The following LARGE1 variants were observed in gnomAD, a reference collection of about 807,000 sequenced individuals.
LARGE1 encodes LARGE xylosyl- and glucuronyltransferase 1.
In LARGE1, 43 loss-of-function variants were observed where a neutral mutation model predicts 87.6. That is an observed-to-expected ratio of 0.49 (90% CI 0.38 to 0.63). The LOEUF (loss-of-function observed/expected upper bound fraction) is 0.63, where lower values mean the gene tolerates loss of function less well. Ranked by LOEUF, LARGE1 falls within the 30% of genes least tolerant of loss-of-function variation. The pLI is 0.00. For synonymous variants in LARGE1, 434 were observed against 394.6 expected (o/e 1.10, Z -1.18); for missense variants, 802 against 1,000.2 (o/e 0.80, Z 2.67).
At chr22:33,905,731 C>A (rs1438605512) in intron 1 of LARGE1, among the ~76,000 whole-genome samples, 1 of 152,098 alleles carries the variant, frequency 6.6e-6, no homozygotes, top group Non-Finnish European at 1.5e-5. Flanking sequence ...CTCAACATAC[C>A]AATTTCAAAT....
At chr22:33,185,209 A>C (rs1923410962) in intron 11 of LARGE1, among the ~76,000 whole-genome samples, 2 of 152,170 alleles carry the variant, frequency 1.3e-5, no homozygotes, top group Non-Finnish European at 2.9e-5. Context: ...AGACAATGGA[A>C]TATTATTCAG....
chr22:33,401,889 G>A (rs1484703350), intron 7 of LARGE1, among the ~76,000 whole-genome samples: 1 of 152,210 alleles, frequency 6.6e-6, no homozygotes, highest in African/African-American at 2.4e-5. Flanking sequence ...ACATCTCTCA[G>A]CCCAGAACTG....
chr22:33,904,602 C>G (rs1420909980), intron 1 of LARGE1, among the ~76,000 whole-genome samples: 1 of 152,158 alleles, frequency 6.6e-6, no homozygotes, highest in Non-Finnish European at 1.5e-5. Flanking sequence ...AAGGCAGAGC[C>G]AGGCGTGGGG....
intron 6 of LARGE1, among the ~76,000 whole-genome samples, chr22:33,435,571 C>A (rs1480045165): frequency 2.6e-5 from 4 of 152,086 alleles, no homozygotes. Flanking sequence ...TATTAACAGA[C>A]CTTCCACCCA....
At chr22:33,911,824 GA>G (rs112527263) in intron 1 of LARGE1, among the ~76,000 whole-genome samples, 17,593 of 152,154 alleles carry the variant, frequency 0.12, 2,052 homozygotes, top group African/African-American at 0.3. Flanking sequence ...CTGCTGATCT[GA>G]AATATCCTTC....
intron 2 of LARGE1, among the ~76,000 whole-genome samples, chr22:33,710,198 A>T (rs1014409094): frequency 4.6e-5 from 7 of 152,292 alleles, no homozygotes; most frequent in African/African-American, 1.7e-4. Flanking sequence ...AGATTGAAAA[A>T]AAAAAACAAA....
chr22:33,681,318 A>C (rs1199446639), intron 2 of LARGE1, among the ~76,000 whole-genome samples: 2 of 152,240 alleles, frequency 1.3e-5, no homozygotes, highest in Non-Finnish European at 2.9e-5. Flanking sequence ...TAAAACAGGC[A>C]TTGAAATGTT....
intron 6 of LARGE1, among the ~76,000 whole-genome samples, chr22:33,505,128 T>C (rs2070701540): frequency 6.6e-6 from 1 of 152,246 alleles, no homozygotes. Context: ...TCGTGAGCAC[T>C]GAACAGGCAT....
Position 33,650,587 on chromosome 22 carries a change from T to C in LARGE1, c.188A>G (p.Glu63Gly), listed in dbSNP as rs539747006. The C allele has an allele frequency of 3.0e-5, 48 of 1,606,090 alleles. No individual in the cohort carries two copies. In the South Asian group the frequency reaches 4.4e-4, roughly 15 times the overall value. The change falls in exon 3 of 15, where the codon GAG becomes GGG. Residue 63 changes from glutamate (E) to glycine (G), a missense_variant. By Grantham distance (98) the Glu-to-Gly change is moderately conservative (BLOSUM62 -2). Around this residue, in one of 2 missense-constraint regions of LARGE1, gnomAD observed 177 missense variants for 158.3 expected, o/e 1.12. Transcript: ENST00000397394. ...CTCGCGCATGCGCACCTCCAGGCTC[T>C]CGCGCTCCCGCTGGCTGGAGGCCGT... ...RYTASSQRERESLEVRMREVE... is the reference protein window; with the variant it reads ...RYTASSQRERGSLEVRMREVE...
intron 6 of LARGE1, among the ~76,000 whole-genome samples, chr22:33,500,801 T>C (rs2070389501): frequency 6.6e-6 from 1 of 152,236 alleles, no homozygotes; most frequent in Non-Finnish European, 1.5e-5. Context: ...TGGATCATTA[T>C]CATCATTACT....
chr22:33,200,171 C>T (rs891575933), intron 11 of LARGE1, among the ~76,000 whole-genome samples: 6 of 152,028 alleles, frequency 3.9e-5, no homozygotes, highest in Admixed American at 2.6e-4. Flanking sequence ...TGCTAGGAAA[C>T]GTCAATGAAC....
At chr22:33,732,029 A>C (rs567006436) in intron 2 of LARGE1, among the ~76,000 whole-genome samples, 2 of 152,334 alleles carry the variant, frequency 1.3e-5, no homozygotes, top group South Asian at 2.1e-4. Context: ...ATGTCTTCTG[A>C]AATCACCTTA....
intron 7 of LARGE1, 102 bp downstream of exon 7, chr22:33,432,059 G>C: frequency 1.1e-6 from 1 of 888,884 alleles, no homozygotes. Context: ...AAGCAATCAG[G>C]TGGCCTCCTC....
chr22:33,520,358 G>T (rs1248038445), intron 6 of LARGE1, among the ~76,000 whole-genome samples: 1 of 152,148 alleles, frequency 6.6e-6, no homozygotes, highest in Non-Finnish European at 1.5e-5. Context: ...TTACAGGCAA[G>T]AGCCACTGTG....
intron 2 of LARGE1, among the ~76,000 whole-genome samples, chr22:33,658,435 C>T (rs2081031084): frequency 6.6e-6 from 1 of 152,180 alleles, no homozygotes; most frequent in Admixed American, 6.5e-5. Context: ...CTGATGCTCT[C>T]CCTCCCCTGC....
At chr22:33,913,678 G>A (rs528198987) in intron 1 of LARGE1, among the ~76,000 whole-genome samples, 50 of 152,142 alleles carry the variant, frequency 3.3e-4, no homozygotes, top group Admixed American at 2.9e-3. Context: ...CGAGTAGCTG[G>A]GACTACAGGC....
chr22:33,826,012 G>A (rs958867563), intron 1 of LARGE1, among the ~76,000 whole-genome samples: 1 of 152,160 alleles, frequency 6.6e-6, no homozygotes, highest in African/African-American at 2.4e-5. Flanking sequence ...CAAGGACAGA[G>A]AGACCCGCTG....
chr22:33,080,228 T>A, the LARGE1 span, among the ~76,000 whole-genome samples: 14 of 152,310 alleles, frequency 9.2e-5, no homozygotes, highest in South Asian at 6.3e-4. Flanking sequence ...TGTTTTTGAA[T>A]CATGTTACTT....
intron 5 of LARGE1, among the ~76,000 whole-genome samples, chr22:33,569,477 G>C (rs1321714659): frequency 6.6e-6 from 1 of 152,214 alleles, no homozygotes; most frequent in Admixed American, 6.5e-5. Context: ...TGTTCAATTA[G>C]TTGTAAAGGA....
Sources: gnomAD v4.1 joint callset for allele counts (sites outside exome capture counted in the v4.1 genomes callset) on GRCh38, gnomAD v4.1.1 for gene constraint, gnomAD v4.1.1 regional missense constraint, MANE v1.5 for transcripts, NCBI Gene and HGNC (gene_info 2026-07-23, HGNC 2026-07-21) for gene names.